The following LYPD6 variants were observed in gnomAD, a reference collection of about 807,000 sequenced individuals.
LYPD6 encodes ly6/PLAUR domain-containing protein 6.
LYPD6 carries 15 observed loss-of-function variants against 22.7 expected under a neutral mutation model. The observed-to-expected ratio is 0.66, with a 90% CI of 0.44 to 1.02. The LOEUF is 1.02. Ranked by LOEUF, LYPD6 falls within the 50% of genes least tolerant of loss-of-function variation. The pLI, the probability that LYPD6 is intolerant of heterozygous loss-of-function variation, is 0.00. For missense variants in LYPD6, 189 were observed against 208.4 expected (o/e 0.91, Z 0.57); for synonymous variants, 72 against 77.5 (o/e 0.93, Z 0.37).
intron 1 of LYPD6, among the ~76,000 whole-genome samples, chr2:149,430,186 G>A (rs528944565): frequency 1.9e-4 from 29 of 152,190 alleles, no homozygotes; most frequent in African/African-American, 6.5e-4. Context: ...TGCAACCTCC[G>A]CCTCCCGGGT....
At chr2:149,354,352 T>C (rs1681412232) in intron 1 of LYPD6, among the ~76,000 whole-genome samples, 1 of 152,026 alleles carries the variant, frequency 6.6e-6, no homozygotes, top group African/African-American at 2.4e-5. Context: ...GGATTACAGG[T>C]GCATGCCACC....
intron 1 of LYPD6, among the ~76,000 whole-genome samples, chr2:149,417,992 G>A (rs1392191338): frequency 6.6e-6 from 1 of 152,216 alleles, no homozygotes; most frequent in Admixed American, 6.5e-5. Context: ...ACTACTGGGA[G>A]ATGTTGAACT....
chr2:149,378,490 TAGC>T (rs1197034239), intron 1 of LYPD6, among the ~76,000 whole-genome samples: 1 of 152,246 alleles, frequency 6.6e-6, no homozygotes, highest in African/African-American at 2.4e-5. Flanking sequence ...GTCAGTTTAG[TAGC>T]AATATTTTAA....
the LYPD6 span, among the ~76,000 whole-genome samples, chr2:149,484,092 T>A: frequency 1.9e-4 from 29 of 152,338 alleles, no homozygotes; most frequent in East Asian, 5.4e-3. Flanking sequence ...GTTAATAGAT[T>A]TGTGTATGGG....
chr2:149,388,959 G>T (rs1682247469), intron 1 of LYPD6, among the ~76,000 whole-genome samples: 1 of 152,172 alleles, frequency 6.6e-6, no homozygotes, highest in Non-Finnish European at 1.5e-5. Context: ...ATTCTGGAAA[G>T]TAGTTGCCCA....
chr2:149,450,462 A>G (rs192682444), intron 3 of LYPD6, among the ~76,000 whole-genome samples: 56 of 152,356 alleles, frequency 3.7e-4, no homozygotes, highest in Middle Eastern at 3.4e-3. Context: ...GCTCCTCTAC[A>G]TAAGAAACAG....
chr2:149,467,514 G>A (rs370031737), intron 3 of LYPD6, among the ~76,000 whole-genome samples: 50 of 152,156 alleles, frequency 3.3e-4, no homozygotes, highest in Non-Finnish European at 6.0e-4. Context: ...ATTTTCTTAC[G>A]CTTTCTTCTT....
chr2:149,479,115 G>C (rs533464427), downstream of LYPD6, among the ~76,000 whole-genome samples: 88 of 152,180 alleles, frequency 5.8e-4, no homozygotes, highest in South Asian at 8.3e-3. Flanking sequence ...CAGCCCAACA[G>C]TCACTTCTCA....
At chr2:149,352,029 T>G (rs1681367944) in intron 1 of LYPD6, among the ~76,000 whole-genome samples, 1 of 152,046 alleles carries the variant, frequency 6.6e-6, no homozygotes, top group African/African-American at 2.4e-5. Context: ...TTAAAAAGAT[T>G]TGTTGGTTGA....
At chr2:149,456,873 G>C (rs1472026111) in intron 3 of LYPD6, among the ~76,000 whole-genome samples, 1 of 152,110 alleles carries the variant, frequency 6.6e-6, no homozygotes, top group Non-Finnish European at 1.5e-5. Context: ...TGGGTTCTTT[G>C]TAGAAGTGGA....
At chr2:149,434,849 A>G (rs1034088290) in intron 1 of LYPD6, among the ~76,000 whole-genome samples, 5 of 152,056 alleles carry the variant, frequency 3.3e-5, no homozygotes, top group South Asian at 2.1e-4. Flanking sequence ...GATCAATTAT[A>G]CTCTTTTAAA....
intron 1 of LYPD6, among the ~76,000 whole-genome samples, chr2:149,358,683 AT>A (rs1681514530): frequency 6.6e-6 from 1 of 152,048 alleles, no homozygotes; most frequent in African/African-American, 2.4e-5. Context: ...ATATATATAT[AT>A]ATTTGACTAG....
intron 1 of LYPD6, among the ~76,000 whole-genome samples, chr2:149,385,701 G>T (rs1682167128): frequency 6.6e-6 from 1 of 152,172 alleles, no homozygotes; most frequent in Non-Finnish European, 1.5e-5. Context: ...TTCTGGAACA[G>T]AACAGCTATG....
chr2:149,331,254 C>T (rs1680932948), intron 1 of LYPD6, among the ~76,000 whole-genome samples: 1 of 152,216 alleles, frequency 6.6e-6, no homozygotes, highest in South Asian at 2.1e-4. Flanking sequence ...GGCCTTTCAG[C>T]CATCCACCCC....
At chr2:149,424,299 T>G (rs1312483470) in intron 1 of LYPD6, among the ~76,000 whole-genome samples, 1 of 152,202 alleles carries the variant, frequency 6.6e-6, no homozygotes, top group Non-Finnish European at 1.5e-5. Flanking sequence ...GCTCAAAATT[T>G]AGTAAAAAGT....
rs1333954542 is a variant in LYPD6 at position 149,472,521 on chromosome 2, T to G, written c.*1671T>G. On this transcript the variant is annotated 3_prime_UTR_variant, in exon 5 of 5. Transcript: ENST00000334166. Reference sequence around the variant, plus strand: ...ATGAGACTCCCTCAGGGACTAAATATGAACTGACAGCAGTAACTCTGATAC... The same window carrying G: ...ATGAGACTCCCTCAGGGACTAAATAGGAACTGACAGCAGTAACTCTGATAC... 1 of 152,626 alleles carries G rather than the reference T, an allele frequency of 6.6e-6. No individual in the cohort carries two copies. Among genetic ancestry groups the G allele is most frequent in the South Asian group, 2.1e-4 (1 of 4,824 alleles). The allele number at this position is 152,626 out of a possible 1,614,324, so 9.5% of individuals were successfully genotyped here.
chr2:149,396,340 C>A (rs1225025729), intron 1 of LYPD6, among the ~76,000 whole-genome samples: 4 of 151,878 alleles, frequency 2.6e-5, no homozygotes, highest in African/African-American at 9.7e-5. Context: ...TGTGGAAAGT[C>A]ACACCAAGAA....
intron 1 of LYPD6, among the ~76,000 whole-genome samples, chr2:149,366,758 A>AACC (rs1374516172): frequency 6.6e-6 from 1 of 152,246 alleles, no homozygotes; most frequent in Non-Finnish European, 1.5e-5. Flanking sequence ...AAAGTAAATG[A>AACC]ACCATGAATG....
chr2:149,341,977 A>G (rs191683120), intron 1 of LYPD6, among the ~76,000 whole-genome samples: 28 of 152,320 alleles, frequency 1.8e-4, no homozygotes, highest in African/African-American at 6.5e-4. Flanking sequence ...GCATTATATG[A>G]CAAACTGTTA....
Sources: gnomAD v4.1 joint callset for allele counts (sites outside exome capture counted in the v4.1 genomes callset) on GRCh38, gnomAD v4.1.1 for gene constraint, MANE v1.5 for transcripts, NCBI Gene and HGNC (gene_info 2026-07-23, HGNC 2026-07-21) for gene names.